Variants in ZMAT4 observed in about 807,000 individuals in gnomAD.
The protein encoded by ZMAT4 is zinc finger matrin-type protein 4.
A neutral mutation model predicts 28.7 loss-of-function variants in ZMAT4; 17 were observed. The ratio of observed to expected loss-of-function variants is 0.59; its 90% CI spans 0.41 to 0.89. ZMAT4 has a LOEUF of 0.89. ZMAT4 is among the 40% of genes least tolerant of loss of function. The pLI is 0.00. For missense variants in ZMAT4, 240 were observed against 283.8 expected (o/e 0.85, Z 1.11); for synonymous variants, 117 against 109.2 (o/e 1.07, Z -0.44).
rs546521541 is a variant in ZMAT4 at position 40,843,400 on chromosome 8, G to C, written c.-4-17720C>G. Among the ~76,000 whole-genome samples, 3 of 152,268 alleles carry C rather than the reference G, an allele frequency of 2.0e-5. No homozygotes were observed. In the South Asian group the frequency reaches 6.2e-4, roughly 32 times the overall value. On this transcript the variant is annotated intron_variant, in intron 1 of 6. Transcript: ENST00000297737. ...AGGAGCTCATGGGGCCCTGTGTCCA[G>C]CTCACTCCTAGGTGGCGTTTGTATG...
At chr8:40,883,313 T>G (rs912412730) in intron 1 of ZMAT4, among the ~76,000 whole-genome samples, 4 of 152,196 alleles carry the variant, frequency 2.6e-5, no homozygotes, top group Admixed American at 2.6e-4. Context: ...CCTAGTCTGT[T>G]TTCCTATTTC....
chr8:40,786,600 G>T, intron 2 of ZMAT4: 1 of 961,770 alleles, frequency 1.0e-6, no homozygotes, highest in Non-Finnish European at 1.4e-6. Context: ...TGCACGTTCT[G>T]GTTATTCTCT....
chr8:40,866,714 G>A (rs1231927221), intron 1 of ZMAT4, among the ~76,000 whole-genome samples: 1 of 152,164 alleles, frequency 6.6e-6, no homozygotes, highest in Admixed American at 6.5e-5. Flanking sequence ...CTTCTCTCTG[G>A]TGTGTAAATA....
At chr8:40,781,176 C>T (rs1216296337) in intron 2 of ZMAT4, among the ~76,000 whole-genome samples, 1 of 151,766 alleles carries the variant, frequency 6.6e-6, no homozygotes, top group Non-Finnish European at 1.5e-5. Flanking sequence ...TTCAGCCAGG[C>T]TGCAAGAAGC....
chr8:40,814,786 C>A (rs1815464736), intron 2 of ZMAT4, among the ~76,000 whole-genome samples: 1 of 152,170 alleles, frequency 6.6e-6, no homozygotes, highest in East Asian at 1.9e-4. Flanking sequence ...AGACTTTTCA[C>A]ATACTATACT....
intron 2 of ZMAT4, among the ~76,000 whole-genome samples, chr8:40,792,820 A>G (rs1418330320): frequency 3.3e-5 from 5 of 150,962 alleles, no homozygotes; most frequent in Non-Finnish European, 4.4e-5. Flanking sequence ...GAAAACTTAA[A>G]TGCATATTAC....
intron 2 of ZMAT4, among the ~76,000 whole-genome samples, chr8:40,775,926 T>G (rs80217278): frequency 0.025 from 3,733 of 152,268 alleles, 152 homozygotes; most frequent in African/African-American, 0.086. Flanking sequence ...TCTGTCCATG[T>G]GCACAGAGAA....
At chr8:40,726,857 T>G (rs184737932) in intron 3 of ZMAT4, among the ~76,000 whole-genome samples, 8 of 152,320 alleles carry the variant, frequency 5.3e-5, no homozygotes, top group Admixed American at 3.9e-4. Flanking sequence ...TCTTGGGGGC[T>G]TGGGCTAATG....
chr8:40,578,503 C>A (rs985437051), intron 6 of ZMAT4, among the ~76,000 whole-genome samples: 2 of 152,024 alleles, frequency 1.3e-5, no homozygotes. Context: ...AATTAGACTT[C>A]CTTAAAAATT....
intron 2 of ZMAT4, among the ~76,000 whole-genome samples, chr8:40,796,313 C>A (rs956365657): frequency 6.6e-6 from 1 of 152,208 alleles, no homozygotes; most frequent in African/African-American, 2.4e-5. Context: ...GCCTGCCATG[C>A]CACATTTTCC....
chr8:40,872,658 A>G (rs907342232), intron 1 of ZMAT4, among the ~76,000 whole-genome samples: 2 of 151,990 alleles, frequency 1.3e-5, no homozygotes, highest in African/African-American at 4.8e-5. Flanking sequence ...CCCTCACTCC[A>G]CACCCCCTCA....
intron 1 of ZMAT4, among the ~76,000 whole-genome samples, chr8:40,859,578 C>G (rs1280620876): frequency 6.6e-6 from 1 of 152,156 alleles, no homozygotes; most frequent in Non-Finnish European, 1.5e-5. Flanking sequence ...AGCAAGACAA[C>G]CCCAATTAAG....
intron 5 of ZMAT4, among the ~76,000 whole-genome samples, chr8:40,583,686 G>T (rs951210548): frequency 2.6e-5 from 4 of 152,270 alleles, no homozygotes; most frequent in Middle Eastern, 3.4e-3. Flanking sequence ...AGTGGTCAGG[G>T]TACAGCTTGC....
At chr8:40,560,597 TAAAG>T (rs905581880) in intron 6 of ZMAT4, among the ~76,000 whole-genome samples, 1 of 151,836 alleles carries the variant, frequency 6.6e-6, no homozygotes, top group Non-Finnish European at 1.5e-5. Context: ...TCCGGCAAAA[TAAAG>T]ACAGAGAAGA....
intron 1 of ZMAT4, among the ~76,000 whole-genome samples, chr8:40,885,394 G>T (rs1038936873): frequency 6.6e-6 from 1 of 152,020 alleles, no homozygotes; most frequent in African/African-American, 2.4e-5. Flanking sequence ...GTTACCATCC[G>T]ACCCGAGCCA....
At chr8:40,533,073 G>GA (rs1802744549) in intron 6 of ZMAT4, among the ~76,000 whole-genome samples, 1 of 151,750 alleles carries the variant, frequency 6.6e-6, no homozygotes, top group Non-Finnish European at 1.5e-5. Flanking sequence ...TTTTAGTTTT[G>GA]TTTTTTTCTT....
At chr8:40,787,062 A>C (rs990276324) in intron 2 of ZMAT4, among the ~76,000 whole-genome samples, 10 of 152,206 alleles carry the variant, frequency 6.6e-5, no homozygotes, top group African/African-American at 1.7e-4. Flanking sequence ...GTAAAATGTA[A>C]AGATAGAATA....
At chr8:40,830,257 G>A (rs1816232333) in intron 1 of ZMAT4, among the ~76,000 whole-genome samples, 2 of 152,030 alleles carry the variant, frequency 1.3e-5, no homozygotes, top group African/African-American at 4.8e-5. Context: ...CATAATGGTG[G>A]GGACAGTACA....
chr8:40,706,871 T>G (rs1055396380), intron 3 of ZMAT4, among the ~76,000 whole-genome samples: 5 of 152,140 alleles, frequency 3.3e-5, no homozygotes, highest in African/African-American at 4.8e-5. Flanking sequence ...CTGAAAGGTT[T>G]CACTTTCGAA....
Sources: gnomAD v4.1 joint callset for allele counts (sites outside exome capture counted in the v4.1 genomes callset) on GRCh38, gnomAD v4.1.1 for gene constraint, MANE v1.5 for transcripts, NCBI Gene and HGNC (gene_info 2026-07-23, HGNC 2026-07-21) for gene names.